Variants in CNOT1 observed in about 807,000 individuals in gnomAD.
The protein encoded by CNOT1 is CCR4-NOT transcription complex subunit 1, also known as CCR4-associated factor 1.
CNOT1 carries 15 observed loss-of-function variants against 273.8 expected under a neutral mutation model. That is an observed-to-expected ratio of 0.05 (90% CI 0.04 to 0.08). The LOEUF is 0.08. CNOT1 is among the 10% of genes least tolerant of loss of function. The probability of loss-of-function intolerance (pLI) is 1.00; values close to 1 mark genes in which losing one functional copy is unlikely to be tolerated. For missense variants in CNOT1, 1,644 were observed against 2,912.2 expected, an observed-to-expected ratio of 0.56 and a Z score of 10.02; for synonymous variants, 1,022 against 1,005.5, an observed-to-expected ratio of 1.02 and a Z score of -0.31.
intron 16 of CNOT1, among the ~76,000 whole-genome samples, chr16:58,572,889 T>C (rs560551840): frequency 1.3e-4 from 17 of 127,958 alleles, no homozygotes; most frequent in Admixed American, 7.4e-4. Flanking sequence ...GCCTGGGCAA[T>C]AGAGCAAGAC....
Position 58,547,110 on chromosome 16 carries a change from A to G in CNOT1, c.3750+76T>C. The G allele has an allele frequency of 6.6e-7, 1 of 1,526,468 alleles. No homozygotes were observed. The highest frequency in any genetic ancestry group is 8.8e-7 in the Non-Finnish European group (1 of 1,135,266). The allele number at this position is 1,526,468 out of a possible 1,614,324, so 94.6% of individuals were successfully genotyped here. A position where few individuals can be genotyped will look rare whatever the true frequency, so the allele number is the denominator to read the frequency against. On this transcript the variant is annotated intron_variant, in intron 27 of 48. Coordinates refer to ENST00000317147, the MANE Select transcript of CNOT1 (RefSeq NM_016284.5). This position sits in a 1 kb window ranked among gnomAD's most constrained non-coding sequence, Gnocchi z 4.0. ...GCTTTACCTCACAAGAACTAAGAAT[A>G]TAATCTCTTGACCTCATGCTAAAAC...
chr16:58,566,130 G>GT (rs1453956753), intron 16 of CNOT1, among the ~76,000 whole-genome samples: 11 of 152,116 alleles, frequency 7.2e-5, no homozygotes, highest in African/African-American at 2.7e-4. Context: ...GACTAACATG[G>GT]TATCTGACAG....
At chr16:58,621,565 G>A (rs1282410732) in intron 1 of CNOT1, among the ~76,000 whole-genome samples, 1 of 149,768 alleles carries the variant, frequency 6.7e-6, no homozygotes, top group Non-Finnish European at 1.5e-5. Flanking sequence ...GAGCCACCAC[G>A]CCTGGCAACT....
In CNOT1 at chr16:58,520,926, G is replaced by C; in HGVS notation, c.*32C>G. 6.2e-7 allele frequency: 1 copy of C among 1,602,416 alleles called. No homozygotes were observed. The highest frequency in any genetic ancestry group is 8.5e-7 in the Non-Finnish European group (1 of 1,173,424). On this transcript the variant is annotated 3_prime_UTR_variant, in exon 49 of 49. Coordinates refer to ENST00000317147, the MANE Select transcript of CNOT1 (RefSeq NM_016284.5). ...TGAACTCGGTGCAGTGAGACCTCTA[G>C]ACTGACACGTACAACAGAGATGCAG...
chr16:58,554,960 G>A (rs1296317664), intron 21 of CNOT1, among the ~76,000 whole-genome samples: 1 of 69,562 alleles, frequency 1.4e-5, no homozygotes, highest in Non-Finnish European at 3.1e-5. Flanking sequence ...AAAAGCTTCA[G>A]GCCAGGCACA....
intron 19 of CNOT1, 27 bp from the exon 20 acceptor site, chr16:58,555,935 G>A (rs749053172): frequency 6.2e-7 from 1 of 1,606,636 alleles, no homozygotes; most frequent in Non-Finnish European, 8.5e-7. Context: ...AGGAATCAGT[G>A]GGCATTTAAG....
chr16:58,610,183 C>T (rs1291217697), intron 1 of CNOT1, among the ~76,000 whole-genome samples: 1 of 152,200 alleles, frequency 6.6e-6, no homozygotes, highest in Admixed American at 6.6e-5. Flanking sequence ...TTCAGGAGGC[C>T]GAGGTGGGTG....
intron 42 of CNOT1, among the ~76,000 whole-genome samples, chr16:58,531,616 A>G (rs2039780956): frequency 6.6e-6 from 1 of 152,180 alleles, no homozygotes; most frequent in Non-Finnish European, 1.5e-5. Flanking sequence ...CCTACCCCCA[A>G]AAAAACCCTT....
intron 38 of CNOT1, among the ~76,000 whole-genome samples, 165 bp downstream of exon 38, chr16:58,537,726 G>A (rs1434053716): frequency 6.6e-6 from 1 of 152,216 alleles, no homozygotes; most frequent in East Asian, 1.9e-4. Context: ...AGTCAATTAG[G>A]CTTTCATACT....
chr16:58,551,797 G>C lies in CNOT1; in HGVS notation c.2993C>G (p.Ser998Cys). The C allele has an allele frequency of 6.2e-7, 1 of 1,614,170 alleles. No individual in the cohort carries two copies. The highest frequency in any genetic ancestry group is 8.5e-7 in the Non-Finnish European group (1 of 1,180,018). The part of the protein sequence containing the change: ...LQEYIEYGQQ[S>C]RDPPVKMQGS... Reference sequence around the variant, plus strand: ...TTGCATTTTCACAGGAGGATCTCTAGACTGCTGTCCATACTCAATATACTA... The same window carrying C: ...TTGCATTTTCACAGGAGGATCTCTACACTGCTGTCCATACTCAATATACTA... Residue 998 changes from serine (S) to cysteine (C), a missense_variant, in exon 23 of 49, where the codon TCT (serine) becomes TGT (cysteine). Around this residue, in one of 13 missense-constraint regions of CNOT1, gnomAD observed 77 missense variants for 90.5 expected, o/e 0.85. Transcript: ENST00000317147.
intron 1 of CNOT1, among the ~76,000 whole-genome samples, chr16:58,628,466 C>T (rs2043676043): frequency 6.6e-6 from 1 of 152,146 alleles, no homozygotes; most frequent in Admixed American, 6.6e-5. Flanking sequence ...GTTTGACCTT[C>T]CTCCTAATAT....
At chr16:58,523,287 C>A in intron 47 of CNOT1, 83 bp downstream of exon 47, 6 of 1,387,616 alleles carry the variant, frequency 4.3e-6, no homozygotes, top group African/African-American at 1.6e-5. Context: ...TTTCACTGAA[C>A]ACTGAAAGCA....
chr16:58,619,666 T>C (rs1001179916), intron 1 of CNOT1, among the ~76,000 whole-genome samples: 3 of 152,106 alleles, frequency 2.0e-5, no homozygotes, highest in African/African-American at 7.2e-5. Flanking sequence ...CTTTGTGATC[T>C]GCCCACCTCG....
chr16:58,626,455 A>G (rs918950732), intron 1 of CNOT1, among the ~76,000 whole-genome samples: 1 of 148,966 alleles, frequency 6.7e-6, no homozygotes, highest in Admixed American at 6.8e-5. Flanking sequence ...CATAAAATAC[A>G]GCATTTCAAA....
chr16:58,627,327 C>G (rs1011882740), intron 1 of CNOT1, among the ~76,000 whole-genome samples: 5 of 136,654 alleles, frequency 3.7e-5, no homozygotes, highest in African/African-American at 1.4e-4. Flanking sequence ...TGCTTGAACC[C>G]TGGAGGCAAA....
At chr16:58,555,217 G>C in intron 21 of CNOT1, 34 bp downstream of exon 21, 2 of 1,607,534 alleles carry the variant, frequency 1.2e-6, no homozygotes, top group Non-Finnish European at 1.7e-6. Flanking sequence ...CGGGGTCAGG[G>C]AAGAGATCCT....
At chr16:58,521,462 T>G (rs903929420) in intron 47 of CNOT1, 145 bp from the exon 48 acceptor site, 2 of 743,016 alleles carry the variant, frequency 2.7e-6, no homozygotes, top group Non-Finnish European at 4.3e-6. Flanking sequence ...TGGATTAATA[T>G]ACTCCAAATA....
intron 1 of CNOT1, among the ~76,000 whole-genome samples, chr16:58,610,891 G>T (rs2042874718): frequency 6.7e-6 from 1 of 150,160 alleles, no homozygotes; most frequent in Non-Finnish European, 1.5e-5. Flanking sequence ...AAAAAAATCA[G>T]CCGGGCGTGG....
At position 58,555,802 on chromosome 16, in the gene CNOT1, T is replaced by C. The variant is rs200314671; in HGVS notation, c.2586A>G (p.Pro862=). The C allele has an allele frequency of 1.3e-4, 205 of 1,614,092 alleles. 3 individuals are homozygous for C. In the Middle Eastern group the frequency reaches 1.5e-3, roughly 12 times the overall value. ...CACTCACCTCATCAACAGACATGGTTGGATGTGGTGGATGATTATATATTC... is the reference window on the plus strand; with the variant it reads ...CACTCACCTCATCAACAGACATGGTCGGATGTGGTGGATGATTATATATTC... The part of the protein sequence containing the change: ...FQRIYNHPPH[P]TMSVDEVLEM... Residue 862 remains proline (P), a synonymous_variant, in exon 20 of 49, where the codon CCA becomes CCG. Coordinates refer to ENST00000317147, the MANE Select transcript of CNOT1 (RefSeq NM_016284.5).
Sources: gnomAD v4.1 joint callset for allele counts (sites outside exome capture counted in the v4.1 genomes callset) on GRCh38, gnomAD v4.1.1 for gene constraint, gnomAD v4.1.1 regional missense constraint, Gnocchi (gnomAD v3.1) non-coding constraint, MANE v1.5 for transcripts, NCBI Gene and HGNC (gene_info 2026-07-23, HGNC 2026-07-21) for gene names.